Variants in KCNG2 observed in about 807,000 individuals in gnomAD.
KCNG2 encodes voltage-gated potassium channel regulatory subunit KCNG2.
Under a neutral mutation model 12.3 loss-of-function variants are expected in KCNG2, and 7 were observed. The observed-to-expected ratio is 0.57, with a 90% confidence interval of 0.32 to 1.07. KCNG2 has a LOEUF of 1.07. KCNG2 is among the 50% of genes least tolerant of loss of function. The probability of loss-of-function intolerance (pLI) is 0.04; values close to 1 mark genes in which losing one functional copy is unlikely to be tolerated. For synonymous variants in KCNG2, 414 were observed against 351.4 expected (o/e 1.18, Z -1.99); for missense variants, 703 against 726.0 (o/e 0.97, Z 0.36).
At chr18:79,840,880 C>CA (rs570046483) in intron 1 of KCNG2, among the ~76,000 whole-genome samples, 16 of 148,788 alleles carry the variant, frequency 1.1e-4, no homozygotes, top group Admixed American at 2.7e-4. Context: ...ATCCATAAGC[C>CA]AAAAAAAAAT....
intron 3 of KCNG2, among the ~76,000 whole-genome samples, chr18:79,875,299 G>A (rs1047691128): frequency 3.3e-5 from 5 of 152,162 alleles, no homozygotes; most frequent in South Asian, 2.1e-4. Context: ...CTGAACAGGC[G>A]GTCCTGGGGG....
At chr18:79,801,387 C>T (rs1177474760) in intron 1 of KCNG2, among the ~76,000 whole-genome samples, 1 of 152,242 alleles carries the variant, frequency 6.6e-6, no homozygotes, top group Non-Finnish European at 1.5e-5. Flanking sequence ...ATCTCTTAGT[C>T]CAGCAGGTCC....
At chr18:79,848,386 C>A (rs1296301945) in intron 1 of KCNG2, among the ~76,000 whole-genome samples, 1 of 152,190 alleles carries the variant, frequency 6.6e-6, no homozygotes, top group Admixed American at 6.5e-5. Flanking sequence ...CTCTGAACCG[C>A]TGGGGAGGGG....
chr18:79,880,517 A>C (rs914321198), intron 3 of KCNG2, among the ~76,000 whole-genome samples: 1 of 152,194 alleles, frequency 6.6e-6, no homozygotes, highest in African/African-American at 2.4e-5. Context: ...TGAATCTAAC[A>C]AAAATTTAAG....
chr18:79,893,348 T>C (rs1307137369), intron 3 of KCNG2, among the ~76,000 whole-genome samples: 3 of 151,182 alleles, frequency 2.0e-5, no homozygotes, highest in Non-Finnish European at 4.4e-5. Flanking sequence ...ACATCTAATA[T>C]TACGATTAAT....
chr18:79,899,519 C>T lies in KCNG2; in HGVS notation c.1104C>T (p.Thr368=), dbSNP rs1230577308. Reference sequence around the variant, plus strand: ...ATTGGTGGGCCGTCATCTCCATGACCACCGTGGGCTACGGCGACATGGTCC... The same window carrying T: ...ATTGGTGGGCCGTCATCTCCATGACTACCGTGGGCTACGGCGACATGGTCC... The part of the protein sequence containing the change: ...ASYWWAVISM[T]TVGYGDMVPR... The change falls in exon 4 of 4, where the codon ACC becomes ACT. Residue 368 remains threonine, a synonymous_variant. Transcript: ENST00000316249. 4 of 1,606,952 alleles carry T rather than the reference C, an allele frequency of 2.5e-6. No individual in the cohort carries two copies. In the Admixed American group the frequency reaches 6.7e-5, roughly 27 times the overall value.
intron 3 of KCNG2, among the ~76,000 whole-genome samples, chr18:79,866,298 G>T (rs1979539913): frequency 6.9e-6 from 1 of 144,806 alleles, no homozygotes; most frequent in African/African-American, 2.6e-5. Context: ...AGGTCTGTGT[G>T]CTGAGAGTGT....
At chr18:79,859,669 G>A (rs1009654546) in intron 2 of KCNG2, among the ~76,000 whole-genome samples, 6 of 152,216 alleles carry the variant, frequency 3.9e-5, no homozygotes, top group Non-Finnish European at 7.3e-5. Context: ...ATATCCAAAC[G>A]ATAGCAGGGT....
At chr18:79,872,739 C>T (rs1979899407) in intron 3 of KCNG2, among the ~76,000 whole-genome samples, 1 of 152,248 alleles carries the variant, frequency 6.6e-6, no homozygotes, top group Non-Finnish European at 1.5e-5. Flanking sequence ...GAAACATTCT[C>T]TCCATTCTGA....
rs114242694 is a variant in KCNG2 at position 79,877,585 on chromosome 18, G to A, written c.624+13294G>A. Among the ~76,000 whole-genome samples the A allele has an allele frequency of 7.3e-3, 1,107 of 151,250 alleles. 19 individuals are homozygous for A. Among genetic ancestry groups the A allele is most frequent in the African/African-American group, 0.026 (1,053 of 41,046 alleles). ...TTGTTCTCACACCTCCGCCCCCCCC[G>A]AGAGTCACGGCACTCAGAATCAGCC... On this transcript the variant is annotated intron_variant, in intron 3 of 3. Coordinates refer to ENST00000316249, the MANE Select transcript of KCNG2 (RefSeq NM_012283.2).
chr18:79,848,774 G>A (rs560844533), intron 1 of KCNG2, among the ~76,000 whole-genome samples: 121 of 152,264 alleles, frequency 7.9e-4, no homozygotes, highest in African/African-American at 2.4e-3. Flanking sequence ...GCCTGCCCCC[G>A]GGAGCTTCCG....
chr18:79,880,744 C>T (rs1275867950), intron 3 of KCNG2, among the ~76,000 whole-genome samples: 1 of 152,172 alleles, frequency 6.6e-6, no homozygotes, highest in Non-Finnish European at 1.5e-5. Flanking sequence ...AAAAGCACAG[C>T]ACATCACGGC....
intron 2 of KCNG2, among the ~76,000 whole-genome samples, chr18:79,861,694 T>G (rs557200138): frequency 6.6e-6 from 1 of 150,826 alleles, no homozygotes; most frequent in African/African-American, 2.5e-5. Context: ...ATTTGGAGGG[T>G]TTTTAAACCA....
At chr18:79,829,539 T>A (rs1412084665) in intron 1 of KCNG2, among the ~76,000 whole-genome samples, 4 of 152,150 alleles carry the variant, frequency 2.6e-5, no homozygotes, top group African/African-American at 9.7e-5. Flanking sequence ...CTACGGCCGG[T>A]GGGTCTCTGC....
intron 3 of KCNG2, among the ~76,000 whole-genome samples, chr18:79,883,831 G>A (rs375651775): frequency 2.0e-5 from 3 of 152,342 alleles, no homozygotes; most frequent in South Asian, 2.1e-4. Flanking sequence ...TTGCTTTGGT[G>A]ATAGTGGATG....
intron 1 of KCNG2, among the ~76,000 whole-genome samples, chr18:79,817,249 A>G (rs1248695305): frequency 6.6e-6 from 1 of 151,338 alleles, no homozygotes; most frequent in Non-Finnish European, 1.5e-5. Flanking sequence ...TGCCACATGG[A>G]TGTTACACAG....
chr18:79,802,051 G>A (rs1358312986), intron 1 of KCNG2, among the ~76,000 whole-genome samples: 1 of 152,216 alleles, frequency 6.6e-6, no homozygotes, highest in Non-Finnish European at 1.5e-5. Context: ...TTTGGAAATG[G>A]TGATTTGTGG....
chr18:79,882,847 GGA>G (rs1980364418), intron 3 of KCNG2, among the ~76,000 whole-genome samples: 1 of 151,074 alleles, frequency 6.6e-6, no homozygotes, highest in Non-Finnish European at 1.5e-5. Flanking sequence ...ACCTGCGCGT[GGA>G]GCGCGGAGGC....
intron 3 of KCNG2, among the ~76,000 whole-genome samples, chr18:79,893,505 T>C (rs1980825702): frequency 6.6e-6 from 1 of 152,206 alleles, no homozygotes; most frequent in South Asian, 2.1e-4. Flanking sequence ...CTGCTTTTGA[T>C]TGCGTTCTTC....
Sources: gnomAD v4.1 joint callset for allele counts (sites outside exome capture counted in the v4.1 genomes callset) on GRCh38, gnomAD v4.1.1 for gene constraint, MANE v1.5 for transcripts, NCBI Gene and HGNC (gene_info 2026-07-23, HGNC 2026-07-21) for gene names.